The following MACROD2 variants were observed in gnomAD, a reference collection of about 807,000 sequenced individuals.
MACROD2 encodes mono-ADP ribosylhydrolase 2.
A neutral mutation model predicts 70.4 loss-of-function variants in MACROD2; 36 were observed. That is an observed-to-expected ratio of 0.51 (90% confidence interval 0.39 to 0.68). The LOEUF (loss-of-function observed/expected upper bound fraction) is 0.68. MACROD2 is among the 30% of genes least tolerant of loss of function. MACROD2 has a pLI of 0.00. For synonymous variants in MACROD2, 172 were observed against 178.8 expected, an observed-to-expected ratio of 0.96 and a Z score of 0.30; for missense variants, 496 against 538.4, an observed-to-expected ratio of 0.92 and a Z score of 0.78.
chr20:14,354,983 G>T (rs917639221), intron 3 of MACROD2, among the ~76,000 whole-genome samples: 1 of 152,164 alleles, frequency 6.6e-6, no homozygotes, highest in Non-Finnish European at 1.5e-5. Flanking sequence ...TCTTATGGCT[G>T]TGTAATATTC....
chr20:15,826,337 G>GA (rs1374377742), intron 8 of MACROD2, among the ~76,000 whole-genome samples: 1 of 152,072 alleles, frequency 6.6e-6, no homozygotes, highest in East Asian at 1.9e-4. Flanking sequence ...AGGGAAAGGT[G>GA]AAAAAACACC....
intron 5 of MACROD2, among the ~76,000 whole-genome samples, chr20:14,709,370 T>C (rs1461457560): frequency 6.6e-6 from 1 of 152,112 alleles, no homozygotes; most frequent in Non-Finnish European, 1.5e-5. Context: ...TTACACATGC[T>C]TCAAGGATGC....
chr20:14,824,560 C>T (rs1372156682), intron 5 of MACROD2, among the ~76,000 whole-genome samples: 1 of 152,040 alleles, frequency 6.6e-6, no homozygotes, highest in Admixed American at 6.6e-5. Context: ...TGGCTGTCTA[C>T]TGGGAGGTCT....
At chr20:14,586,220 G>A (rs571314290) in intron 4 of MACROD2, among the ~76,000 whole-genome samples, 2 of 151,950 alleles carry the variant, frequency 1.3e-5, no homozygotes, top group East Asian at 3.9e-4. Flanking sequence ...AGGGCGATGA[G>A]ATACTACTAA....
At chr20:14,282,123 A>G (rs1768055264) in intron 3 of MACROD2, among the ~76,000 whole-genome samples, 1 of 152,068 alleles carries the variant, frequency 6.6e-6, no homozygotes, top group Non-Finnish European at 1.5e-5. Flanking sequence ...GTTTGCTTCT[A>G]CATTCAATTT....
intron 5 of MACROD2, among the ~76,000 whole-genome samples, chr20:14,908,179 A>G (rs1429877337): frequency 2.0e-5 from 3 of 151,912 alleles, no homozygotes; most frequent in Non-Finnish European, 2.9e-5. Flanking sequence ...TCTTTTCTCT[A>G]CTAACAATAC....
At chr20:15,715,243 T>C (rs1174942356) in intron 8 of MACROD2, among the ~76,000 whole-genome samples, 1 of 152,156 alleles carries the variant, frequency 6.6e-6, no homozygotes, top group Non-Finnish European at 1.5e-5. Flanking sequence ...AAAATCTGGC[T>C]GCAATTCTTG....
chr20:15,648,092 C>T (rs2049581170), intron 8 of MACROD2, among the ~76,000 whole-genome samples: 1 of 152,284 alleles, frequency 6.6e-6, no homozygotes, highest in Admixed American at 6.5e-5. Flanking sequence ...TCTCAAAACA[C>T]TGTAATGGAT....
chr20:14,762,995 T>C (rs907256991), intron 5 of MACROD2, among the ~76,000 whole-genome samples: 2 of 151,084 alleles, frequency 1.3e-5, no homozygotes, highest in Non-Finnish European at 3.0e-5. Context: ...CACAGAACAA[T>C]GTCAGAGTGC....
intron 5 of MACROD2, among the ~76,000 whole-genome samples, chr20:14,970,453 T>C (rs76824569): frequency 0.011 from 1,671 of 152,286 alleles, 31 homozygotes; most frequent in African/African-American, 0.038. Flanking sequence ...TAAGAGGCTT[T>C]TTATTGCAGA....
At chr20:14,251,351 T>C (rs1440797088) in intron 3 of MACROD2, among the ~76,000 whole-genome samples, 2 of 152,168 alleles carry the variant, frequency 1.3e-5, no homozygotes, top group African/African-American at 4.8e-5. Context: ...TAATGAATTG[T>C]TTGTATATTT....
At chr20:15,560,800 A>T (rs949639391) in intron 8 of MACROD2, among the ~76,000 whole-genome samples, 10 of 148,838 alleles carry the variant, frequency 6.7e-5, no homozygotes, top group African/African-American at 2.5e-4. Flanking sequence ...AAGACTGATC[A>T]TAGTCTTTCT....
intron 4 of MACROD2, chr20:14,631,728 T>G (rs1984525019): frequency 1.3e-5 from 2 of 152,170 alleles, no homozygotes; most frequent in South Asian, 2.1e-4. Flanking sequence ...GAGCCGAGAT[T>G]GCGCCACTAC....
intron 3 of MACROD2, among the ~76,000 whole-genome samples, chr20:14,340,417 C>G (rs2083001076): frequency 6.6e-6 from 1 of 152,060 alleles, no homozygotes; most frequent in Admixed American, 6.6e-5. Flanking sequence ...TGGGGGACAT[C>G]CAAGCACCTG....
At chr20:15,943,321 C>A (rs997123932) in intron 12 of MACROD2, among the ~76,000 whole-genome samples, 1 of 152,104 alleles carries the variant, frequency 6.6e-6, no homozygotes, top group African/African-American at 2.4e-5. Context: ...AAACCAAGGC[C>A]ACCAATGAAT....
chr20:15,577,556 A>T (rs2048465829), intron 8 of MACROD2, among the ~76,000 whole-genome samples: 2 of 151,998 alleles, frequency 1.3e-5, no homozygotes, highest in Non-Finnish European at 2.9e-5. Flanking sequence ...TCGTTGGAAA[A>T]ACCACTATTT....
intron 3 of MACROD2, among the ~76,000 whole-genome samples, chr20:14,220,451 G>C (rs1011862100): frequency 2.6e-5 from 4 of 152,204 alleles, no homozygotes; most frequent in African/African-American, 9.7e-5. Context: ...GCCCCAGGCT[G>C]TATGCCTCCT....
At chr20:14,191,505 C>G (rs1266786285) in intron 3 of MACROD2, among the ~76,000 whole-genome samples, 4 of 152,022 alleles carry the variant, frequency 2.6e-5, no homozygotes, top group African/African-American at 9.7e-5. Context: ...AAAACTCTGC[C>G]CTCACAGAAC....
chr20:15,500,874 G>A (rs1288886773), intron 8 of MACROD2, among the ~76,000 whole-genome samples: 1 of 152,070 alleles, frequency 6.6e-6, no homozygotes, highest in East Asian at 1.9e-4. Context: ...GTATAAATAT[G>A]GCAACTTCAA....
Sources: gnomAD v4.1 joint callset for allele counts (sites outside exome capture counted in the v4.1 genomes callset) on GRCh38, gnomAD v4.1.1 for gene constraint, MANE v1.5 for transcripts, NCBI Gene and HGNC (gene_info 2026-07-23, HGNC 2026-07-21) for gene names.